DNAJC1: variants seen among roughly 807,000 people sequenced by gnomAD.
DNAJC1 encodes dnaJ homolog subfamily C member 1.
In DNAJC1, 58 loss-of-function variants were observed where a neutral mutation model predicts 76.6. That is an observed-to-expected ratio of 0.76 (90% CI 0.61 to 0.94). The LOEUF (loss-of-function observed/expected upper bound fraction) is 0.94, where lower values mean the gene tolerates loss of function less well. Among genes scored for constraint, DNAJC1 ranks in the 40% least tolerant of loss-of-function variants. DNAJC1 has a pLI of 0.00. For missense variants in DNAJC1, 689 were observed against 677.3 expected, an observed-to-expected ratio of 1.02 and a Z score of -0.19; for synonymous variants, 258 against 267.9, an observed-to-expected ratio of 0.96 and a Z score of 0.36.
chr10:22,001,982 G>C (rs1838525056), intron 1 of DNAJC1, among the ~76,000 whole-genome samples: 1 of 152,182 alleles, frequency 6.6e-6, no homozygotes, highest in Non-Finnish European at 1.5e-5. Context: ...ATATGAATCT[G>C]AAGTGTGAAA....
chr10:21,908,692 G>A (rs1447020689), intron 6 of DNAJC1, among the ~76,000 whole-genome samples: 1 of 151,780 alleles, frequency 6.6e-6, no homozygotes, highest in Non-Finnish European at 1.5e-5. Flanking sequence ...AATATTTAAT[G>A]AATAATTAAA....
At chr10:21,941,900 A>G (rs779826553) in intron 1 of DNAJC1, among the ~76,000 whole-genome samples, 2 of 152,152 alleles carry the variant, frequency 1.3e-5, no homozygotes, top group African/African-American at 2.4e-5. Flanking sequence ...TTTTATTATC[A>G]TCTTTAAGGA....
At chr10:21,910,854 G>GAGGAGAGGAGAGGAGAGGAA (rs1836845597) in intron 6 of DNAJC1, among the ~76,000 whole-genome samples, 1 of 126,730 alleles carries the variant, frequency 7.9e-6, no homozygotes, top group Non-Finnish European at 1.7e-5. Context: ...GAGGAGAGGA[G>GAGGAGAGGAGAGGAGAGGAA]AGGAGAGGAG....
At chr10:21,964,973 T>G (rs750583799) in intron 1 of DNAJC1, among the ~76,000 whole-genome samples, 1 of 152,222 alleles carries the variant, frequency 6.6e-6, no homozygotes, top group African/African-American at 2.4e-5. Context: ...ATTTTTATTA[T>G]GTTTCTGTTG....
intron 1 of DNAJC1, among the ~76,000 whole-genome samples, chr10:21,994,395 G>A (rs1279159843): frequency 6.6e-6 from 1 of 152,148 alleles, no homozygotes; most frequent in East Asian, 1.9e-4. Flanking sequence ...CCAAACGTGT[G>A]ATATAAAAAG....
intron 8 of DNAJC1, among the ~76,000 whole-genome samples, chr10:21,872,859 C>T (rs2131711089): frequency 1.3e-5 from 2 of 152,208 alleles, no homozygotes; most frequent in South Asian, 4.2e-4. Flanking sequence ...GAGACCACCC[C>T]TCATATTGTC....
intron 1 of DNAJC1, among the ~76,000 whole-genome samples, chr10:21,964,890 A>C (rs147770135): frequency 9.9e-4 from 151 of 152,242 alleles, no homozygotes; most frequent in African/African-American, 3.2e-3. Context: ...AAAAGTCATC[A>C]ATCTATAATT....
chr10:21,783,302 T>C lies in DNAJC1; in HGVS notation c.1099-16993A>G, dbSNP rs191625218. On this transcript the variant is annotated intron_variant, in intron 9 of 11. Coordinates refer to ENST00000376980, the MANE Select transcript of DNAJC1 (RefSeq NM_022365.4). ...ATCATGAGTGAACACCCATTCACAA[T>C]TGCTTCAAAGAGAATAAAATACCTA... Among the ~76,000 whole-genome samples, 360 of 152,310 alleles carry C rather than the reference T, an allele frequency of 2.4e-3. 3 individuals carry two copies. The highest frequency in any genetic ancestry group is 8.1e-3 in the African/African-American group (336 of 41,562).
chr10:21,850,005 T>A (rs1015422471), intron 8 of DNAJC1, among the ~76,000 whole-genome samples: 5 of 151,580 alleles, frequency 3.3e-5, no homozygotes, highest in African/African-American at 1.2e-4. Flanking sequence ...AAACCATAGC[T>A]AACATCATAC....
At chr10:21,934,996 A>G (rs1442574126) in intron 1 of DNAJC1, among the ~76,000 whole-genome samples, 1 of 152,198 alleles carries the variant, frequency 6.6e-6, no homozygotes, top group African/African-American at 2.4e-5. Flanking sequence ...CACCAACTAT[A>G]ATAAGCAGCA....
intron 8 of DNAJC1, among the ~76,000 whole-genome samples, chr10:21,860,423 T>A (rs1219885401): frequency 1.3e-5 from 2 of 152,112 alleles, no homozygotes; most frequent in African/African-American, 4.8e-5. Context: ...ATGGACGCGG[T>A]GGCTCATGCC....
At chr10:21,852,371 A>T (rs553192872) in intron 8 of DNAJC1, among the ~76,000 whole-genome samples, 1 of 152,288 alleles carries the variant, frequency 6.6e-6, no homozygotes, top group South Asian at 2.1e-4. Context: ...TTTTGAGGTG[A>T]TATCATGTTT....
chr10:21,934,905 T>C lies in DNAJC1; in HGVS notation c.223-5764A>G, dbSNP rs149691014. Among the ~76,000 whole-genome samples the C allele has an allele frequency of 5.9e-3, 892 of 152,286 alleles. 7 individuals are homozygous for C. The highest frequency in any genetic ancestry group is 0.02 in the African/African-American group (834 of 41,560). On this transcript the variant is annotated intron_variant, in intron 1 of 11. Coordinates refer to ENST00000376980, the MANE Select transcript of DNAJC1 (RefSeq NM_022365.4). ...AGTTGACCAGAGATTCTAAGCTAAC[T>C]GAAGAGAAATTCTAGTGGCCATACA...
chr10:21,902,932 TTTTC>T (rs1836682524), intron 7 of DNAJC1, among the ~76,000 whole-genome samples: 2 of 152,124 alleles, frequency 1.3e-5, no homozygotes, highest in Non-Finnish European at 2.9e-5. Context: ...TATTTTTCTT[TTTTC>T]TTTTTTTTGA....
At position 21,966,836 on chromosome 10, in the gene DNAJC1, C is replaced by T. The variant is rs139466392; in HGVS notation, c.222+36377G>A. Among the ~76,000 whole-genome samples the T allele has an allele frequency of 2.8e-3, 432 of 151,844 alleles. 2 individuals are homozygous for T. The highest frequency in any genetic ancestry group is 0.01 in the African/African-American group (418 of 41,414). ...GAGTAGCTGGGATTACAGGCACGTGCCACCACACCCAGCTCATATTTTGTA... is the reference window on the plus strand; with the variant it reads ...GAGTAGCTGGGATTACAGGCACGTGTCACCACACCCAGCTCATATTTTGTA... On this transcript the variant is annotated intron_variant, in intron 1 of 11. Coordinates refer to ENST00000376980, the MANE Select transcript of DNAJC1 (RefSeq NM_022365.4).
chr10:21,869,677 G>A (rs910570067), intron 8 of DNAJC1, among the ~76,000 whole-genome samples: 2 of 152,032 alleles, frequency 1.3e-5, no homozygotes, highest in Non-Finnish European at 2.9e-5. Context: ...TGATTATTAA[G>A]GAGAAGTATG....
At chr10:21,958,784 AT>A (rs1169076043) in intron 1 of DNAJC1, among the ~76,000 whole-genome samples, 19 of 152,058 alleles carry the variant, frequency 1.2e-4, no homozygotes, top group African/African-American at 4.6e-4. Context: ...TTTCTGATAT[AT>A]TTAAACGTCA....
At chr10:21,891,518 C>A (rs76686901) in intron 7 of DNAJC1, among the ~76,000 whole-genome samples, 5,157 of 149,764 alleles carry the variant, frequency 0.034, 160 homozygotes, top group African/African-American at 0.067. Flanking sequence ...AAAAGAACAC[C>A]GCCCTGGGAA....
At chr10:21,969,318 T>A (rs1056576342) in intron 1 of DNAJC1, among the ~76,000 whole-genome samples, 8 of 150,954 alleles carry the variant, frequency 5.3e-5, no homozygotes, top group African/African-American at 1.7e-4. Flanking sequence ...GAAGAGAGGA[T>A]GAGGGCGGGG....
Sources: allele counts gnomAD v4.1 joint callset (sites outside exome capture counted in the v4.1 genomes callset), GRCh38; gene constraint gnomAD v4.1.1; transcripts MANE v1.5; gene names NCBI Gene and HGNC (gene_info 2026-07-23, HGNC 2026-07-21).